Variants in SLC24A2 observed in about 807,000 individuals in gnomAD.
The protein encoded by SLC24A2 is sodium/potassium/calcium exchanger 2.
SLC24A2 carries 36 observed loss-of-function variants against 62.0 expected under a neutral mutation model. That is an observed-to-expected ratio of 0.58 (90% confidence interval 0.44 to 0.77). The LOEUF (loss-of-function observed/expected upper bound fraction) is 0.77, where lower values mean the gene tolerates loss of function less well. Among genes scored for constraint, SLC24A2 ranks in the 30% least tolerant of loss-of-function variants. The probability of loss-of-function intolerance (pLI) is 0.00; values close to 1 mark genes in which losing one functional copy is unlikely to be tolerated. For missense variants in SLC24A2, 846 were observed against 817.9 expected (o/e 1.03, Z -0.42); for synonymous variants, 358 against 294.0 (o/e 1.22, Z -2.23).
the SLC24A2 span, among the ~76,000 whole-genome samples, chr9:19,949,329 A>C: frequency 2.0e-5 from 3 of 152,184 alleles, no homozygotes; most frequent in Admixed American, 2.0e-4. Flanking sequence ...TGGAGGAATC[A>C]AATTAAGGGG....
At chr9:20,055,285 A>C in the SLC24A2 span, among the ~76,000 whole-genome samples, 5 of 152,226 alleles carry the variant, frequency 3.3e-5, no homozygotes, top group African/African-American at 1.2e-4. Context: ...GGTAATTCAC[A>C]AAATTAAAAT....
At chr9:20,230,732 G>T in the SLC24A2 span, among the ~76,000 whole-genome samples, 2 of 152,222 alleles carry the variant, frequency 1.3e-5, no homozygotes, top group South Asian at 4.1e-4. Flanking sequence ...AAGCTCTTTA[G>T]TTTAATGAGA....
the SLC24A2 span, among the ~76,000 whole-genome samples, chr9:19,999,953 C>T: frequency 6.6e-6 from 1 of 152,116 alleles, no homozygotes. Context: ...GTCTTAATGG[C>T]CTGAATGTTC....
the SLC24A2 span, among the ~76,000 whole-genome samples, chr9:20,280,296 CA>C: frequency 6.6e-6 from 1 of 152,134 alleles, no homozygotes; most frequent in African/African-American, 2.4e-5. Context: ...GGCAAGGTAC[CA>C]TTTTTTTGTA....
At chr9:20,305,597 T>C in the SLC24A2 span, among the ~76,000 whole-genome samples, 1 of 152,202 alleles carries the variant, frequency 6.6e-6, no homozygotes, top group Non-Finnish European at 1.5e-5. Context: ...AAAATAGTTA[T>C]CCATATTCAG....
chr9:19,584,174 C>T (rs1303899205), intron 5 of SLC24A2, among the ~76,000 whole-genome samples: 2 of 151,648 alleles, frequency 1.3e-5, no homozygotes, highest in East Asian at 3.9e-4. Context: ...CACAGGCCTA[C>T]ACTGTCTTGC....
chr9:19,560,879 T>TTGTGTGTGTGTGTG (rs779469797), intron 7 of SLC24A2, among the ~76,000 whole-genome samples: 2 of 137,068 alleles, frequency 1.5e-5, no homozygotes, highest in Non-Finnish European at 3.1e-5. Context: ...GTCTTTGCAT[T>TTGTGTGTGTGTGTG]TGTGTGTGTG....
At chr9:20,267,858 G>A in the SLC24A2 span, among the ~76,000 whole-genome samples, 1 of 152,268 alleles carries the variant, frequency 6.6e-6, no homozygotes, top group South Asian at 2.1e-4. Context: ...AATCGTGTAA[G>A]GAGTGAATGA....
chr9:19,701,885 C>A (rs1209706130), intron 2 of SLC24A2, among the ~76,000 whole-genome samples: 1 of 152,150 alleles, frequency 6.6e-6, no homozygotes, highest in Non-Finnish European at 1.5e-5. Context: ...CACTTTGGCA[C>A]AATCCAAATC....
intron 2 of SLC24A2, among the ~76,000 whole-genome samples, chr9:19,640,201 C>T (rs1269334866): frequency 6.6e-6 from 1 of 152,204 alleles, no homozygotes; most frequent in Non-Finnish European, 1.5e-5. Context: ...TGGAACCTTT[C>T]CATGAAAGCA....
chr9:20,122,984 C>G, the SLC24A2 span, among the ~76,000 whole-genome samples: 3 of 152,316 alleles, frequency 2.0e-5, no homozygotes, highest in Admixed American at 2.0e-4. Flanking sequence ...ATCTACTGAT[C>G]ACCCATTCGA....
the SLC24A2 span, among the ~76,000 whole-genome samples, chr9:19,925,742 G>T: frequency 8.7e-4 from 132 of 152,228 alleles, no homozygotes; most frequent in Non-Finnish European, 4.4e-4. Flanking sequence ...GATGTGACAG[G>T]GTTCCTTCTC....
chr9:20,183,267 AGAG>A, the SLC24A2 span, among the ~76,000 whole-genome samples: 1 of 152,212 alleles, frequency 6.6e-6, no homozygotes, highest in Non-Finnish European at 1.5e-5. Flanking sequence ...ACAGCTGGAA[AGAG>A]AAGATTAACC....
chr9:19,887,800 A>G, the SLC24A2 span, among the ~76,000 whole-genome samples: 1 of 152,216 alleles, frequency 6.6e-6, no homozygotes, highest in Non-Finnish European at 1.5e-5. Flanking sequence ...AAGAAATTAC[A>G]TATATATGAT....
chr9:20,076,621 A>G, the SLC24A2 span, among the ~76,000 whole-genome samples: 3 of 152,080 alleles, frequency 2.0e-5, no homozygotes, highest in African/African-American at 4.8e-5. Context: ...AATAAATGTT[A>G]AACCAACTGC....
chr9:19,760,057 G>A (rs754106050), intron 2 of SLC24A2, among the ~76,000 whole-genome samples: 1 of 152,064 alleles, frequency 6.6e-6, no homozygotes, highest in Non-Finnish European at 1.5e-5. Flanking sequence ...TATTCACCAA[G>A]GAATTTTTCA....
chr9:20,135,080 T>C, the SLC24A2 span, among the ~76,000 whole-genome samples: 7 of 152,156 alleles, frequency 4.6e-5, no homozygotes, highest in African/African-American at 1.7e-4. Context: ...GTGCCCAGCA[T>C]TGTGCTGGGT....
intron 2 of SLC24A2, among the ~76,000 whole-genome samples, chr9:19,726,088 G>C (rs1465271349): frequency 6.6e-6 from 1 of 152,308 alleles, no homozygotes; most frequent in East Asian, 1.9e-4. Context: ...CCTCACTGAA[G>C]AATGAAAGCG....
chr9:19,892,703 T>C, the SLC24A2 span, among the ~76,000 whole-genome samples: 1 of 152,220 alleles, frequency 6.6e-6, no homozygotes, highest in South Asian at 2.1e-4. Flanking sequence ...ACTGTTGTTT[T>C]TTTTTTCATG....
Sources: allele counts gnomAD v4.1 joint callset (sites outside exome capture counted in the v4.1 genomes callset), GRCh38; gene constraint gnomAD v4.1.1; transcripts MANE v1.5; gene names NCBI Gene and HGNC (gene_info 2026-07-23, HGNC 2026-07-21).